The following CACNA2D3 variants were observed in gnomAD, a reference collection of about 807,000 sequenced individuals.
The protein encoded by CACNA2D3 is calcium voltage-gated channel auxiliary subunit alpha2delta 3.
A neutral mutation model predicts 160.6 loss-of-function variants in CACNA2D3; 60 were observed. The observed-to-expected ratio is 0.37, with a 90% CI of 0.30 to 0.46. CACNA2D3 has a LOEUF of 0.46. Among genes scored for constraint, CACNA2D3 ranks in the 20% least tolerant of loss-of-function variants. CACNA2D3 has a pLI of 1.00. For missense variants in CACNA2D3, 1,205 were observed against 1,365.0 expected, an observed-to-expected ratio of 0.88 and a Z score of 1.85; for synonymous variants, 558 against 492.9, an observed-to-expected ratio of 1.13 and a Z score of -1.75.
chr3:54,400,090 G>T (rs1699422791), intron 4 of CACNA2D3, among the ~76,000 whole-genome samples: 1 of 140,188 alleles, frequency 7.1e-6, no homozygotes. Flanking sequence ...CCCTTTCTTT[G>T]ACTCGGAAAG....
chr3:54,981,811 C>A (rs1000714531), intron 29 of CACNA2D3, among the ~76,000 whole-genome samples: 1 of 152,228 alleles, frequency 6.6e-6, no homozygotes, highest in African/African-American at 2.4e-5. Context: ...TACTTGCCCC[C>A]CCATTGGGTC....
chr3:54,320,938 T>G (rs1399791953), intron 3 of CACNA2D3, among the ~76,000 whole-genome samples: 1 of 152,246 alleles, frequency 6.6e-6, no homozygotes, highest in East Asian at 1.9e-4. Context: ...TTTTGTGATT[T>G]TCTCAAATGG....
At chr3:54,325,259 A>G (rs1575395967) in intron 3 of CACNA2D3, among the ~76,000 whole-genome samples, 2 of 152,330 alleles carry the variant, frequency 1.3e-5, no homozygotes, top group East Asian at 3.9e-4. Context: ...TTGAGGACCA[A>G]TTCCATCACA....
chr3:54,410,969 CAG>C (rs1699658526), intron 4 of CACNA2D3, among the ~76,000 whole-genome samples: 2 of 152,138 alleles, frequency 1.3e-5, no homozygotes, highest in South Asian at 4.1e-4. Flanking sequence ...AAGAATTTGT[CAG>C]AGTCTAAGCC....
chr3:54,856,961 AG>A (rs1250498999), intron 17 of CACNA2D3, among the ~76,000 whole-genome samples: 1 of 152,138 alleles, frequency 6.6e-6, no homozygotes, highest in Non-Finnish European at 1.5e-5. Context: ...TTTGTGTTTT[AG>A]TAGAAACAGG....
intron 5 of CACNA2D3, among the ~76,000 whole-genome samples, chr3:54,508,184 T>C (rs986186016): frequency 3.3e-5 from 5 of 152,146 alleles, no homozygotes; most frequent in African/African-American, 9.7e-5. Context: ...AAGGCAGTTA[T>C]GGAGCCTGGA....
intron 34 of CACNA2D3, among the ~76,000 whole-genome samples, chr3:55,009,935 A>C (rs973793164): frequency 4.6e-5 from 7 of 152,208 alleles, no homozygotes; most frequent in African/African-American, 1.2e-4. Context: ...GTGGAGTTAG[A>C]ATAGGTTTCA....
intron 27 of CACNA2D3, chr3:54,918,457 T>G (rs1358751072): frequency 6.2e-7 from 1 of 1,600,194 alleles, no homozygotes; most frequent in African/African-American, 1.4e-5. Flanking sequence ...AGACAAAAGC[T>G]CTCAGGCTGG....
chr3:55,070,114 C>G (rs1844928), intron 35 of CACNA2D3, among the ~76,000 whole-genome samples: 10,342 of 152,236 alleles, frequency 0.068, 1,142 homozygotes, highest in African/African-American at 0.23. Context: ...AGAGATAACT[C>G]ACAACCTCAG....
At chr3:54,544,184 G>A (rs1702025748) in intron 5 of CACNA2D3, among the ~76,000 whole-genome samples, 1 of 152,046 alleles carries the variant, frequency 6.6e-6, no homozygotes, top group East Asian at 1.9e-4. Context: ...TCCATATATA[G>A]ATGATAAGTA....
chr3:55,028,997 A>C (rs76337358), intron 35 of CACNA2D3, among the ~76,000 whole-genome samples: 1 of 152,196 alleles, frequency 6.6e-6, no homozygotes, highest in Non-Finnish European at 1.5e-5. Flanking sequence ...CGTGGGCTAC[A>C]GTTCAGAAAA....
At chr3:54,157,307 A>G (rs4440155) in intron 2 of CACNA2D3, among the ~76,000 whole-genome samples, 1 of 151,928 alleles carries the variant, frequency 6.6e-6, no homozygotes, top group South Asian at 2.1e-4. Flanking sequence ...TCCATTACCA[A>G]TGGGGGTTAG....
chr3:54,205,239 T>G (rs1701253194), intron 2 of CACNA2D3, among the ~76,000 whole-genome samples: 1 of 152,000 alleles, frequency 6.6e-6, no homozygotes, highest in African/African-American at 2.4e-5. Context: ...ACTCACCTAG[T>G]GTAATGGGGG....
At chr3:54,180,318 T>G (rs1223364321) in intron 2 of CACNA2D3, among the ~76,000 whole-genome samples, 3 of 152,160 alleles carry the variant, frequency 2.0e-5, no homozygotes, top group Non-Finnish European at 4.4e-5. Context: ...CTTTGTGACA[T>G]GTGTGACACC....
At chr3:54,165,869 C>T (rs1700445287) in intron 2 of CACNA2D3, among the ~76,000 whole-genome samples, 1 of 152,148 alleles carries the variant, frequency 6.6e-6, no homozygotes, top group Non-Finnish European at 1.5e-5. Context: ...CCCCTAGTCA[C>T]ATCTTATCAT....
At chr3:54,492,945 A>C (rs1307128245) in intron 4 of CACNA2D3, among the ~76,000 whole-genome samples, 1 of 151,940 alleles carries the variant, frequency 6.6e-6, no homozygotes, top group South Asian at 2.1e-4. Context: ...ATTTCCATTT[A>C]CATTTAATGT....
chr3:54,218,430 G>A (rs1005327888), intron 2 of CACNA2D3, among the ~76,000 whole-genome samples: 1 of 152,230 alleles, frequency 6.6e-6, no homozygotes, highest in African/African-American at 2.4e-5. Flanking sequence ...AACATGACCT[G>A]TCTTGGTATT....
chr3:54,147,738 G>A (rs936573295), intron 2 of CACNA2D3, among the ~76,000 whole-genome samples: 5 of 152,256 alleles, frequency 3.3e-5, no homozygotes, highest in African/African-American at 1.2e-4. Flanking sequence ...TTATTGTCCT[G>A]CTTGACTCTG....
intron 4 of CACNA2D3, among the ~76,000 whole-genome samples, chr3:54,501,809 C>A (rs1227789772): frequency 6.6e-6 from 1 of 152,188 alleles, no homozygotes; most frequent in Non-Finnish European, 1.5e-5. Flanking sequence ...TCTTGCAAGG[C>A]AAGTCTACTG....
Sources: gnomAD v4.1 joint callset for allele counts (sites outside exome capture counted in the v4.1 genomes callset) on GRCh38, gnomAD v4.1.1 for gene constraint, MANE v1.5 for transcripts, NCBI Gene and HGNC (gene_info 2026-07-23, HGNC 2026-07-21) for gene names.